Variants in A2M observed in about 807,000 individuals in gnomAD.
A2M encodes C3 and PZP-like alpha-2-macroglobulin domain-containing protein 5.
In A2M, 128 loss-of-function variants were observed where a neutral mutation model predicts 183.9. The observed-to-expected ratio is 0.70, with a 90% confidence interval of 0.60 to 0.81. The LOEUF (loss-of-function observed/expected upper bound fraction) is 0.81. A2M is among the 30% of genes least tolerant of loss of function. A2M has a pLI of 0.00. For missense variants in A2M, 1,495 were observed against 1,787.6 expected, an observed-to-expected ratio of 0.84 and a Z score of 2.95; for synonymous variants, 592 against 670.8, an observed-to-expected ratio of 0.88 and a Z score of 1.81.
chr12:9,112,590 C>T, intron 2 of A2M, 54 bp from the exon 3 acceptor site: 1 of 1,599,684 alleles, frequency 6.3e-7, no homozygotes, highest in Non-Finnish European at 8.5e-7. Context: ...GGTCTCCTCC[C>T]CTATTTGCTG....
chr12:9,114,829 T>G (rs1939002692), intron 1 of A2M, among the ~76,000 whole-genome samples: 1 of 152,136 alleles, frequency 6.6e-6, no homozygotes, highest in Non-Finnish European at 1.5e-5. Context: ...ATTAAACATT[T>G]CCTTCTGACT....
chr12:9,101,498 A>C lies in A2M; in HGVS notation c.1443T>G (p.Ile481Met), dbSNP rs769088344. 6.2e-7 allele frequency: 1 copy of C among 1,613,920 alleles called. No individual in the cohort carries two copies. The highest frequency in any genetic ancestry group is 1.1e-5 in the South Asian group (1 of 91,064). The change falls in exon 12 of 36, where the codon ATT becomes ATG. Residue 481 changes from isoleucine to methionine, a missense_variant. Ile to Met is a conservative substitution (Grantham distance 10). Coordinates refer to ENST00000318602, the MANE Select transcript of A2M (RefSeq NM_000014.6). ...GCCCCAGCAGGGTGCCTCCATTCAG[A>C]ATATAATGTGCCTGGACTGTCTGAG... ...GHTQTVQAHY[I>M]LNGGTLLGLK... is the part of the protein sequence containing the mutation.
intron 31 of A2M, among the ~76,000 whole-genome samples, chr12:9,071,521 C>G (rs1316093943): frequency 6.6e-6 from 1 of 152,052 alleles, no homozygotes; most frequent in Non-Finnish European, 1.5e-5. Context: ...GTTTGGTGTA[C>G]AGATTACTTT....
chr12:9,107,197 T>G (rs1470751704), intron 8 of A2M, among the ~76,000 whole-genome samples: 1 of 152,162 alleles, frequency 6.6e-6, no homozygotes. Flanking sequence ...TGATAGGTTC[T>G]TGTTCACAGA....
rs1313583893 is a variant in A2M, at chr12:9,095,064, G to A, written c.2034C>T (p.Phe678=). Residue 678 remains phenylalanine, a synonymous_variant, in exon 17 of 36, where the codon TTC becomes TTT. Transcript: ENST00000318602. ...TGGGTTTACGAATCTTTGAGTTGGT[G>A]AATGCCTTTAAGCCCATGTCCTGCA... ...SFLEDMGLKA[F]TNSKIRKPKM... 9 of 1,590,132 alleles carry A rather than the reference G, an allele frequency of 5.7e-6. No homozygotes were observed. Among genetic ancestry groups the A allele is most frequent in the Non-Finnish European group, 7.7e-6 (9 of 1,166,306 alleles).
In A2M at chr12:9,079,341, A is replaced by G; in HGVS notation, c.3032-10T>C. On this transcript the variant is annotated splice_polypyrimidine_tract_variant and intron_variant, in intron 24 of 35. Transcript: ENST00000318602. ...AACTGTCTCTGGTAACCTGGAAAGG[A>G]AGATTAACGAAACAGCACAATGGAT... 6.2e-7 allele frequency: 1 copy of G among 1,611,188 alleles called. No individual in the cohort carries two copies. Among genetic ancestry groups the G allele is most frequent in the East Asian group, 2.2e-5 (1 of 44,842 alleles).
chr12:9,074,485 G>C lies in A2M; in HGVS notation c.3756+75C>G. Reference sequence around the variant, plus strand: ...TGTCATCTGTATTTTTTTCTTCTTGGATGTGTTTGTTTCTTTTTCATTCAA... The same window carrying C: ...TGTCATCTGTATTTTTTTCTTCTTGCATGTGTTTGTTTCTTTTTCATTCAA... On this transcript the variant is annotated intron_variant, in intron 29 of 35. Coordinates refer to ENST00000318602, the MANE Select transcript of A2M (RefSeq NM_000014.6). 3 of 1,364,972 alleles carry C rather than the reference G, an allele frequency of 2.2e-6. No homozygotes were observed. The South Asian group carries it at 4.1e-5, about 18-fold the overall frequency. 84.6% of individuals were successfully genotyped at this position (1,364,972 alleles called of 1,614,324 possible). A position where few individuals can be genotyped will look rare whatever the true frequency, so the allele number is the denominator to read the frequency against.
intron 22 of A2M, among the ~76,000 whole-genome samples, chr12:9,082,012 T>C (rs1333105960): frequency 6.6e-6 from 1 of 152,206 alleles, no homozygotes; most frequent in East Asian, 1.9e-4. Flanking sequence ...ATGGCCAGTC[T>C]GTAAGCCCAG....
intron 1 of A2M, 53 bp downstream of exon 1, chr12:9,115,711 C>G (rs1939066739): frequency 7.4e-7 from 1 of 1,360,230 alleles, no homozygotes; most frequent in South Asian, 1.2e-5. Context: ...GAAAAATCTG[C>G]AATAAATGAA....
intron 1 of A2M, 67 bp downstream of exon 1, chr12:9,115,697 T>TA: frequency 8.4e-7 from 1 of 1,197,396 alleles, no homozygotes; most frequent in Non-Finnish European, 1.2e-6. Flanking sequence ...AGGAATGATA[T>TA]AAAGAAAAAT....
At chr12:9,085,603 AAAG>A (rs1466808909) in intron 22 of A2M, among the ~76,000 whole-genome samples, 4 of 152,128 alleles carry the variant, frequency 2.6e-5, no homozygotes, top group South Asian at 2.1e-4. Flanking sequence ...AGAAGTAGGA[AAAG>A]AAGAACAAAG....
intron 2 of A2M, 95 bp downstream of exon 2, chr12:9,113,265 T>C: frequency 7.3e-7 from 1 of 1,378,216 alleles, no homozygotes; most frequent in East Asian, 2.3e-5. Context: ...CCTGCAGTTC[T>C]TACCAACCTC....
rs756783772 is a variant in A2M, at chr12:9,076,841, C to G, written c.3447G>C (p.Leu1149=). ...DHGSHVYTKA[L]LAYAFALAGN... ...CTGCCAGGGCAAAAGCATAGGCCAG[C>G]AGTGCTTTGGTATATACATGGCTGC... is the stretch of plus-strand genomic sequence containing the variant. Residue 1149 remains leucine (L), a synonymous_variant, in exon 28 of 36, where the codon CTG becomes CTC. Coordinates refer to ENST00000318602, the MANE Select transcript of A2M (RefSeq NM_000014.6). The G allele has an allele frequency of 6.2e-7, 1 of 1,614,066 alleles. No homozygotes were observed. Among genetic ancestry groups the G allele is most frequent in the South Asian group, 1.1e-5 (1 of 91,070 alleles).
At chr12:9,106,208 T>C (rs1415426683) in intron 10 of A2M, 28 bp downstream of exon 10, 13 of 1,367,598 alleles carry the variant, frequency 9.5e-6, no homozygotes, top group Non-Finnish European at 1.3e-5. Context: ...AGTACATGGG[T>C]TGATGAGTGA....
intron 25 of A2M, among the ~76,000 whole-genome samples, chr12:9,078,471 T>C (rs973212705): frequency 1.3e-5 from 2 of 152,246 alleles, no homozygotes; most frequent in African/African-American, 4.8e-5. Flanking sequence ...TCCATGACTT[T>C]GTTATTGTAA....
Position 9,106,217 on chromosome 12 carries a change from G to C in A2M, c.1104+19C>G. 2 of 1,480,418 alleles carry C rather than the reference G, an allele frequency of 1.4e-6. No homozygotes were observed. The highest frequency in any genetic ancestry group is 2.3e-5 in the South Asian group (2 of 88,162). 91.7% of individuals were successfully genotyped at this position (1,480,418 alleles called of 1,614,324 possible). A position where few individuals can be genotyped will look rare whatever the true frequency, so the allele number is the denominator to read the frequency against. On this transcript the variant is annotated intron_variant, in intron 10 of 35. Transcript: ENST00000318602. ...GGTAACAGTACATGGGTTGATGAGT[G>C]AACTGGAAAATACTCCACCTGCCCA...
chr12:9,095,178 T>C, intron 16 of A2M, 94 bp from the exon 17 acceptor site: 1 of 623,332 alleles, frequency 1.6e-6, no homozygotes, highest in Non-Finnish European at 2.6e-6. Flanking sequence ...AGCAATCCAG[T>C]TAACTTAAAT....
intron 9 of A2M, 39 bp downstream of exon 9, chr12:9,106,452 C>G: frequency 6.9e-7 from 1 of 1,445,884 alleles, no homozygotes; most frequent in Admixed American, 1.8e-5. Context: ...AAAATCAATG[C>G]CTGTTGTGTT....
At chr12:9,109,582 A>G (rs1278515236) in intron 6 of A2M, among the ~76,000 whole-genome samples, 177 bp from the exon 7 acceptor site, 2 of 152,226 alleles carry the variant, frequency 1.3e-5, no homozygotes, top group African/African-American at 2.4e-5. Context: ...TTGAGGGACT[A>G]TGAGAGATCA....
Sources: allele counts gnomAD v4.1 joint callset (sites outside exome capture counted in the v4.1 genomes callset), GRCh38; gene constraint gnomAD v4.1.1; transcripts MANE v1.5; gene names NCBI Gene and HGNC (gene_info 2026-07-23, HGNC 2026-07-21).